The following UBAC2 variants were observed in gnomAD, a reference collection of about 807,000 sequenced individuals.
UBAC2 encodes ubiquitin-associated domain-containing protein 2.
UBAC2 carries 26 observed loss-of-function variants against 44.0 expected under a neutral mutation model. The observed-to-expected ratio is 0.59, with a 90% CI of 0.43 to 0.82. The LOEUF (loss-of-function observed/expected upper bound fraction) is 0.82, where lower values mean the gene tolerates loss of function less well. UBAC2 is among the 40% of genes least tolerant of loss of function. UBAC2 has a pLI of 0.00. For synonymous variants in UBAC2, 155 were observed against 154.3 expected (o/e 1.00, Z -0.04); for missense variants, 329 against 419.4 (o/e 0.78, Z 1.88).
intron 1 of UBAC2, among the ~76,000 whole-genome samples, chr13:99,207,906 G>A (rs1330319436): frequency 2.6e-5 from 4 of 151,818 alleles, no homozygotes; most frequent in East Asian, 1.9e-4. Context: ...GGAGCAAACC[G>A]TGTTCCTACT....
At chr13:99,324,120 A>G (rs966628004) in intron 6 of UBAC2, among the ~76,000 whole-genome samples, 1 of 152,194 alleles carries the variant, frequency 6.6e-6, no homozygotes, top group African/African-American at 2.4e-5. Context: ...GATTGTGCAA[A>G]CAAGTATTTT....
chr13:99,326,461 T>A (rs1594130291), intron 6 of UBAC2, among the ~76,000 whole-genome samples: 1 of 152,228 alleles, frequency 6.6e-6, no homozygotes, highest in African/African-American at 2.4e-5. Flanking sequence ...CTTCATAATC[T>A]TCAGTGCCTA....
chr13:99,241,709 A>C (rs1422772960), intron 2 of UBAC2, among the ~76,000 whole-genome samples: 1 of 148,488 alleles, frequency 6.7e-6, no homozygotes, highest in East Asian at 2.0e-4. Flanking sequence ...TTGTATACTC[A>C]ATAGTTAAAA....
intron 1 of UBAC2, among the ~76,000 whole-genome samples, chr13:99,208,761 T>A (rs1465124765): frequency 6.6e-6 from 1 of 152,190 alleles, no homozygotes; most frequent in African/African-American, 2.4e-5. Context: ...GGTGAGGCTC[T>A]CAGATTGTTC....
intron 1 of UBAC2, among the ~76,000 whole-genome samples, chr13:99,222,556 G>A (rs1452240477): frequency 6.6e-6 from 1 of 152,252 alleles, no homozygotes; most frequent in African/African-American, 2.4e-5. Flanking sequence ...ATAGCAGTAA[G>A]TGGTCAGTTT....
intron 4 of UBAC2, chr13:99,313,428 T>G (rs2044442234): frequency 6.6e-6 from 1 of 152,116 alleles, no homozygotes. Flanking sequence ...TCTGTCAAGG[T>G]GAAGGTGTCA....
intron 4 of UBAC2, among the ~76,000 whole-genome samples, chr13:99,266,114 C>A (rs1434167383): frequency 6.6e-6 from 1 of 151,842 alleles, no homozygotes; most frequent in African/African-American, 2.4e-5. Context: ...CTTCTAAAGT[C>A]TCTTTGAAAT....
intron 1 of UBAC2, among the ~76,000 whole-genome samples, chr13:99,209,569 C>T (rs911589164): frequency 2.0e-5 from 3 of 152,088 alleles, no homozygotes; most frequent in Non-Finnish European, 4.4e-5. Flanking sequence ...GTAACCAGGC[C>T]TGGGTTGCCC....
chr13:99,314,367 G>A, intron 5 of UBAC2, 147 bp downstream of exon 5: 1 of 966,118 alleles, frequency 1.0e-6, no homozygotes, highest in Non-Finnish European at 1.5e-6. Flanking sequence ...AATGTTTAAA[G>A]GAAGTGTTAC....
At chr13:99,290,628 G>A (rs556951470) in intron 4 of UBAC2, among the ~76,000 whole-genome samples, 1 of 151,880 alleles carries the variant, frequency 6.6e-6, no homozygotes, top group Non-Finnish European at 1.5e-5. Context: ...AGGAGGCTGA[G>A]GCAGGTGAAT....
Position 99,375,297 on chromosome 13 carries a change from G to A in UBAC2, c.927+7391G>A, listed in dbSNP as rs748584289. Among the ~76,000 whole-genome samples the A allele has an allele frequency of 2.0e-5, 3 of 151,152 alleles. No individual in the cohort carries two copies. In the East Asian group the frequency reaches 5.9e-4, roughly 30 times the overall value. On this transcript the variant is annotated intron_variant, in intron 8 of 8. Transcript: ENST00000403766. ...GATGTGAAAGGAGGGGGGATCTGCA[G>A]TTCTCCCAAGGAAGAGAGTGGTCAG... is the stretch of plus-strand genomic sequence containing the variant.
intron 4 of UBAC2, chr13:99,255,036 C>T (rs1186660567): frequency 1.2e-5 from 20 of 1,613,988 alleles, no homozygotes; most frequent in Non-Finnish European, 1.7e-5. Flanking sequence ...CATCCAGACA[C>T]GTGCTGAGGT....
chr13:99,362,658 G>A (rs2045280814), intron 7 of UBAC2, among the ~76,000 whole-genome samples: 1 of 152,274 alleles, frequency 6.6e-6, no homozygotes, highest in South Asian at 2.1e-4. Flanking sequence ...TCTGTAAATG[G>A]AGTATTCATA....
At chr13:99,231,841 T>C (rs2043176644) in intron 1 of UBAC2, among the ~76,000 whole-genome samples, 1 of 152,190 alleles carries the variant, frequency 6.6e-6, no homozygotes, top group South Asian at 2.1e-4. Flanking sequence ...TGTGCATGAA[T>C]GGAATAACAG....
intron 7 of UBAC2, among the ~76,000 whole-genome samples, chr13:99,345,741 CTT>C (rs766632532): frequency 9.9e-5 from 13 of 130,920 alleles, no homozygotes; most frequent in South Asian, 2.4e-4. Context: ...TTTTTTCTTT[CTT>C]TTTTTTTTTT....
Position 99,295,846 on chromosome 13 carries a change from T to C in UBAC2, c.390-18251T>C, listed in dbSNP as rs775514130. The C allele has an allele frequency of 2.5e-6, 4 of 1,605,544 alleles. No homozygotes were observed. The highest frequency in any genetic ancestry group is 1.7e-4 in the Middle Eastern group (1 of 6,046). On this transcript the variant is annotated intron_variant, in intron 4 of 8. Coordinates refer to ENST00000403766, the MANE Select transcript of UBAC2 (RefSeq NM_001144072.2). This position sits in a 1 kb window ranked among gnomAD's most constrained non-coding sequence, Gnocchi z 4.1. Reference sequence around the variant, plus strand: ...GCGCAGTTATCCTACACAAGGCATCTCCGATTCTCCAGTCAAAGCCCATTG... The same window carrying C: ...GCGCAGTTATCCTACACAAGGCATCCCCGATTCTCCAGTCAAAGCCCATTG...
At position 99,207,382 on chromosome 13, in the gene UBAC2, T is replaced by C. The variant is rs189845299; in HGVS notation, c.31+6443T>C. ...CTTCTTCTGAGCCTATTCTTAAAAA[T>C]GCAAAAGTATAACCCATCCAACAAC... On this transcript the variant is annotated intron_variant, in intron 1 of 8. Transcript: ENST00000403766. 3.3e-5 allele frequency among the ~76,000 whole-genome samples: 5 copies of C among 152,328 alleles called. No individual in the cohort carries two copies. The East Asian group carries it at 7.7e-4, about 23-fold the overall frequency.
chr13:99,385,097 T>C (rs948231927), intron 8 of UBAC2, 131 bp from the exon 9 acceptor site: 1 of 657,968 alleles, frequency 1.5e-6, no homozygotes, highest in African/African-American at 1.8e-5. Context: ...AGATTCCATA[T>C]TGAAATGAAA....
intron 4 of UBAC2, among the ~76,000 whole-genome samples, chr13:99,278,447 A>C (rs1007892854): frequency 1.3e-5 from 2 of 152,128 alleles, no homozygotes; most frequent in African/African-American, 4.8e-5. Context: ...GAGTATTTTT[A>C]AGGGAAGTGG....
Sources: gnomAD v4.1 joint callset for allele counts (sites outside exome capture counted in the v4.1 genomes callset) on GRCh38, gnomAD v4.1.1 for gene constraint, Gnocchi (gnomAD v3.1) non-coding constraint, MANE v1.5 for transcripts, NCBI Gene and HGNC (gene_info 2026-07-23, HGNC 2026-07-21) for gene names.